ATP1B3: variants seen among roughly 807,000 people sequenced by gnomAD.
The protein encoded by ATP1B3 is sodium/potassium-transporting ATPase subunit beta-3.
In ATP1B3, 10 loss-of-function variants were observed where a neutral mutation model predicts 30.2. The ratio of observed to expected loss-of-function variants is 0.33; its 90% CI spans 0.20 to 0.56. The LOEUF is 0.56. ATP1B3 is among the 20% of genes least tolerant of loss of function. ATP1B3 has a pLI of 0.90. For synonymous variants in ATP1B3, 113 were observed against 117.0 expected, an observed-to-expected ratio of 0.97 and a Z score of 0.22; for missense variants, 238 against 336.7, an observed-to-expected ratio of 0.71 and a Z score of 2.29.
At chr3:141,889,918 A>C (rs962650684) in intron 1 of ATP1B3, among the ~76,000 whole-genome samples, 1 of 150,826 alleles carries the variant, frequency 6.6e-6, no homozygotes, top group Non-Finnish European at 1.5e-5. Flanking sequence ...CTCCTCAAGC[A>C]CTGGATATTA....
chr3:141,922,833 G>T (rs768425638), intron 6 of ATP1B3, among the ~76,000 whole-genome samples: 9 of 151,688 alleles, frequency 5.9e-5, no homozygotes, highest in Non-Finnish European at 1.0e-4. Flanking sequence ...GGGCGTGGTG[G>T]CAGGCACCTG....
intron 1 of ATP1B3, among the ~76,000 whole-genome samples, chr3:141,889,768 CACA>C (rs1933905670): frequency 8.4e-6 from 1 of 119,742 alleles, no homozygotes; most frequent in Admixed American, 8.3e-5. Context: ...CACACACACA[CACA>C]CACACACACA....
At chr3:141,919,878 G>A (rs2107779389) in intron 5 of ATP1B3, among the ~76,000 whole-genome samples, 1 of 152,182 alleles carries the variant, frequency 6.6e-6, no homozygotes, top group Middle Eastern at 3.4e-3. Flanking sequence ...GGCAGAGGTT[G>A]TAGTGAGCCA....
intron 1 of ATP1B3, among the ~76,000 whole-genome samples, chr3:141,899,744 C>T (rs1934127413): frequency 6.6e-6 from 1 of 152,186 alleles, no homozygotes; most frequent in Non-Finnish European, 1.5e-5. Context: ...TGACACATGC[C>T]TGTAATCCCA....
rs751307573 is a variant in ATP1B3 at position 141,907,150 on chromosome 3, C to G, written c.239-17C>G. 1 of 1,562,202 alleles carries G rather than the reference C, an allele frequency of 6.4e-7. No homozygotes were observed. Among genetic ancestry groups the G allele is most frequent in the Non-Finnish European group, 8.7e-7 (1 of 1,145,292 alleles). ...GAGAAGGAAATTTGATAATCTCTCC[C>G]TTTTATGTCTTTATAGGACTCATGG... On this transcript the variant is annotated splice_polypyrimidine_tract_variant and intron_variant, in intron 2 of 6. Coordinates refer to ENST00000286371, the MANE Select transcript of ATP1B3 (RefSeq NM_001679.4).
chr3:141,894,752 GA>G (rs770253621), intron 1 of ATP1B3, among the ~76,000 whole-genome samples: 2 of 152,078 alleles, frequency 1.3e-5, no homozygotes, highest in African/African-American at 2.4e-5. Context: ...CCTTCTTCTG[GA>G]TACCTCCTGA....
At chr3:141,903,829 T>C in intron 2 of ATP1B3, 81 bp downstream of exon 2, 3 of 1,492,984 alleles carry the variant, frequency 2.0e-6, no homozygotes, top group Non-Finnish European at 2.7e-6. Flanking sequence ...TTGCCCAGGC[T>C]GGAATGCAGT....
chr3:141,882,391 TATC>T (rs1933744036), intron 1 of ATP1B3, among the ~76,000 whole-genome samples: 2 of 152,238 alleles, frequency 1.3e-5, no homozygotes, highest in East Asian at 3.8e-4. Flanking sequence ...TACCTGATCT[TATC>T]ATTTAACATT....
intron 1 of ATP1B3, among the ~76,000 whole-genome samples, chr3:141,885,928 T>A (rs1030109710): frequency 2.1e-5 from 3 of 139,710 alleles, no homozygotes; most frequent in Non-Finnish European, 4.8e-5. Context: ...CACACACCCC[T>A]GTAGTGTTGT....
chr3:141,922,567 C>T (rs540634721), intron 6 of ATP1B3, among the ~76,000 whole-genome samples: 31 of 150,560 alleles, frequency 2.1e-4, no homozygotes, highest in African/African-American at 7.1e-4. Flanking sequence ...GCAGGAGAAT[C>T]GCTTGAACCC....
chr3:141,919,285 TTCTC>T (rs1553745641), intron 5 of ATP1B3, among the ~76,000 whole-genome samples: 2 of 151,212 alleles, frequency 1.3e-5, no homozygotes, highest in African/African-American at 2.4e-5. Flanking sequence ...CTTTTTTTTT[TTCTC>T]TCTCTCTCCA....
At chr3:141,896,556 A>G (rs1205834230) in intron 1 of ATP1B3, among the ~76,000 whole-genome samples, 2 of 152,068 alleles carry the variant, frequency 1.3e-5, no homozygotes, top group Admixed American at 6.6e-5. Context: ...TTTTGTTGTA[A>G]AAGTTCTTCA....
chr3:141,897,664 G>A (rs1934092941), intron 1 of ATP1B3, among the ~76,000 whole-genome samples: 1 of 152,074 alleles, frequency 6.6e-6, no homozygotes, highest in South Asian at 2.1e-4. Flanking sequence ...ACATATATGT[G>A]CATACATTTT....
Position 141,903,627 on chromosome 3 carries a change from C to T in ATP1B3, c.117C>T (p.Ile39=). ...LGRTAKSWGL[I]LLFYLVFYGF... ...TTTTATTTTCTTTTACAGGTTTGAT[C>T]TTGCTCTTCTACCTAGTTTTTTATG... The change falls in exon 2 of 7, where the codon ATC becomes ATT. Residue 39 remains isoleucine, a synonymous_variant. Transcript: ENST00000286371. The T allele has an allele frequency of 1.9e-6, 3 of 1,613,848 alleles. No homozygotes were observed. Among genetic ancestry groups the T allele is most frequent in the Non-Finnish European group, 2.5e-6 (3 of 1,179,794 alleles).
intron 1 of ATP1B3, among the ~76,000 whole-genome samples, chr3:141,890,086 C>CTTTTTTTT (rs1245235657): frequency 2.8e-5 from 3 of 107,526 alleles, no homozygotes; most frequent in African/African-American, 1.1e-4. Flanking sequence ...AATTTTTTTT[C>CTTTTTTTT]TTTTTTTTTT....
intron 1 of ATP1B3, among the ~76,000 whole-genome samples, chr3:141,896,384 G>A (rs908363181): frequency 5.3e-5 from 8 of 152,094 alleles, no homozygotes; most frequent in African/African-American, 1.4e-4. Flanking sequence ...AGCTGGGCAC[G>A]GTGGTATGTG....
At chr3:141,882,863 G>A (rs139594709) in intron 1 of ATP1B3, among the ~76,000 whole-genome samples, 263 of 152,306 alleles carry the variant, frequency 1.7e-3, no homozygotes, top group African/African-American at 6.1e-3. Context: ...TGGGATTACA[G>A]GCGTGAGCCA....
intron 5 of ATP1B3, among the ~76,000 whole-genome samples, chr3:141,920,775 G>A (rs1474865971): frequency 6.6e-6 from 1 of 152,098 alleles, no homozygotes; most frequent in Non-Finnish European, 1.5e-5. Context: ...ATGTAGGGTG[G>A]AGTTTGAGTA....
intron 3 of ATP1B3, among the ~76,000 whole-genome samples, chr3:141,910,164 G>T (rs1934334800): frequency 6.6e-6 from 1 of 152,014 alleles, no homozygotes. Context: ...TAGAGCTGGG[G>T]TCTTGCTATG....
Sources: allele counts gnomAD v4.1 joint callset (sites outside exome capture counted in the v4.1 genomes callset), GRCh38; gene constraint gnomAD v4.1.1; transcripts MANE v1.5; gene names NCBI Gene and HGNC (gene_info 2026-07-23, HGNC 2026-07-21).